The following KLF12 variants were observed in gnomAD, a reference collection of about 807,000 sequenced individuals.
KLF12 encodes the protein KLF transcription factor 12.
KLF12 carries 9 observed loss-of-function variants against 37.8 expected under a neutral mutation model. The ratio of observed to expected loss-of-function variants is 0.24; its 90% confidence interval spans 0.14 to 0.42. KLF12 has a LOEUF of 0.42. Among genes scored for constraint, KLF12 ranks in the 10% least tolerant of loss-of-function variants. The pLI, the probability that KLF12 is intolerant of heterozygous loss-of-function variation, is 1.00. For synonymous variants in KLF12, 208 were observed against 202.1 expected (o/e 1.03, Z -0.25); for missense variants, 411 against 516.0 (o/e 0.80, Z 1.97).
At chr13:74,294,946 C>T in the KLF12 span, among the ~76,000 whole-genome samples, 1 of 152,114 alleles carries the variant, frequency 6.6e-6, no homozygotes, top group Non-Finnish European at 1.5e-5. Flanking sequence ...AGCTCCTTTC[C>T]TGATTAAAGG....
chr13:74,237,896 T>G, the KLF12 span, among the ~76,000 whole-genome samples: 1 of 152,088 alleles, frequency 6.6e-6, no homozygotes, highest in African/African-American at 2.4e-5. Context: ...GAGGGACAAT[T>G]TGACTTCCTC....
At chr13:74,127,806 T>C (rs912877367) in intron 1 of KLF12, among the ~76,000 whole-genome samples, 1 of 152,240 alleles carries the variant, frequency 6.6e-6, no homozygotes. Context: ...TATAGCATGT[T>C]GCAACAATGT....
intron 5 of KLF12, among the ~76,000 whole-genome samples, chr13:73,780,909 C>G (rs924723200): frequency 1.3e-5 from 2 of 152,226 alleles, no homozygotes; most frequent in African/African-American, 4.8e-5. Context: ...AGGATTGACT[C>G]CAATTTCAAA....
intron 3 of KLF12, among the ~76,000 whole-genome samples, chr13:73,936,376 T>C (rs988808580): frequency 2.0e-5 from 3 of 152,100 alleles, no homozygotes; most frequent in Admixed American, 1.3e-4. Context: ...CAAGCCCTCT[T>C]CCCAATGCCT....
chr13:74,031,890 A>G (rs1160788578), intron 1 of KLF12, among the ~76,000 whole-genome samples: 1 of 152,146 alleles, frequency 6.6e-6, no homozygotes, highest in African/African-American at 2.4e-5. Context: ...CTAAGCAACT[A>G]ATTAGGTCTT....
At chr13:73,777,948 A>G (rs1880723252) in intron 5 of KLF12, among the ~76,000 whole-genome samples, 1 of 151,918 alleles carries the variant, frequency 6.6e-6, no homozygotes, top group Non-Finnish European at 1.5e-5. Context: ...CCTGGCCAAC[A>G]TGGTGAAATG....
the KLF12 span, among the ~76,000 whole-genome samples, chr13:74,206,005 A>T: frequency 6.6e-6 from 1 of 152,162 alleles, no homozygotes; most frequent in Non-Finnish European, 1.5e-5. Context: ...TAAATATCAA[A>T]TCTAAATTAA....
At chr13:74,245,345 TACA>T in the KLF12 span, among the ~76,000 whole-genome samples, 35 of 149,290 alleles carry the variant, frequency 2.3e-4, no homozygotes, top group Middle Eastern at 3.5e-3. Context: ...ATCTATCATC[TACA>T]ACATTTTGGT....
chr13:74,221,009 T>TG, the KLF12 span, among the ~76,000 whole-genome samples: 6 of 150,678 alleles, frequency 4.0e-5, no homozygotes, highest in African/African-American at 9.7e-5. Context: ...CTTGTTTGTT[T>TG]TTTTTTTTTT....
chr13:73,744,715 T>C (rs1179423238), intron 6 of KLF12, among the ~76,000 whole-genome samples: 2 of 152,128 alleles, frequency 1.3e-5, no homozygotes, highest in African/African-American at 2.4e-5. Flanking sequence ...CTGCCTAGGA[T>C]GAGCATGACA....
chr13:73,894,106 G>C (rs1314365722), intron 3 of KLF12, among the ~76,000 whole-genome samples: 3 of 152,172 alleles, frequency 2.0e-5, no homozygotes, highest in African/African-American at 7.2e-5. Flanking sequence ...AGCCTTTGTA[G>C]TTGTCTGTCA....
the KLF12 span, among the ~76,000 whole-genome samples, chr13:74,165,992 T>C: frequency 3.3e-5 from 5 of 152,068 alleles, no homozygotes; most frequent in African/African-American, 1.2e-4. Flanking sequence ...ATCTATGAGA[T>C]CTATTATGTA....
intron 3 of KLF12, among the ~76,000 whole-genome samples, chr13:73,862,346 C>A (rs930375380): frequency 6.6e-6 from 1 of 152,116 alleles, no homozygotes; most frequent in Non-Finnish European, 1.5e-5. Flanking sequence ...TATCATGAAT[C>A]ACATTTTACA....
the KLF12 span, among the ~76,000 whole-genome samples, chr13:74,239,787 A>G: frequency 4.6e-5 from 7 of 150,870 alleles, no homozygotes; most frequent in South Asian, 1.3e-3. Flanking sequence ...TTTGCTTTCC[A>G]TTTGCTTGGT....
chr13:74,012,475 T>C (rs1023981449), intron 1 of KLF12, among the ~76,000 whole-genome samples: 4 of 152,220 alleles, frequency 2.6e-5, no homozygotes, highest in Middle Eastern at 3.2e-3. Context: ...ACCTATTTTA[T>C]ATCACATCCC....
chr13:74,009,533 T>C (rs1189982600), intron 1 of KLF12, among the ~76,000 whole-genome samples: 1 of 152,136 alleles, frequency 6.6e-6, no homozygotes, highest in African/African-American at 2.4e-5. Context: ...GTGAGCTAGA[T>C]GGAAGTGCTA....
chr13:74,158,364 A>G, the KLF12 span, among the ~76,000 whole-genome samples: 1 of 152,328 alleles, frequency 6.6e-6, no homozygotes, highest in African/African-American at 2.4e-5. Context: ...ATCTGCCGCC[A>G]GGATTGGGGA....
chr13:74,176,189 T>C, the KLF12 span, among the ~76,000 whole-genome samples: 8 of 152,158 alleles, frequency 5.3e-5, no homozygotes, highest in Non-Finnish European at 1.0e-4. Context: ...TGCATGTGTG[T>C]GAGTGATATG....
intron 1 of KLF12, among the ~76,000 whole-genome samples, chr13:74,115,854 T>C (rs1877269124): frequency 6.6e-6 from 1 of 152,192 alleles, no homozygotes. Flanking sequence ...GTAAGGACAC[T>C]TGTCACTGAA....
Sources: allele counts gnomAD v4.1 joint callset (sites outside exome capture counted in the v4.1 genomes callset), GRCh38; gene constraint gnomAD v4.1.1; transcripts MANE v1.5; gene names NCBI Gene and HGNC (gene_info 2026-07-23, HGNC 2026-07-21).